SFMBT2: variants seen among roughly 807,000 people sequenced by gnomAD.
The protein encoded by SFMBT2 is Scm like with four mbt domains 2.
A neutral mutation model predicts 110.1 loss-of-function variants in SFMBT2; 38 were observed. That is an observed-to-expected ratio of 0.35 (90% CI 0.27 to 0.45). The LOEUF (loss-of-function observed/expected upper bound fraction) is 0.45. Ranked by LOEUF, SFMBT2 falls within the 20% of genes least tolerant of loss-of-function variation. The pLI, the probability that SFMBT2 is intolerant of heterozygous loss-of-function variation, is 1.00. For missense variants in SFMBT2, 1,011 were observed against 1,094.9 expected (o/e 0.92, Z 1.08); for synonymous variants, 425 against 425.4 (o/e 1.00, Z 0.01).
chr10:7,266,780 A>G (rs2131794619), intron 7 of SFMBT2, among the ~76,000 whole-genome samples: 1 of 152,312 alleles, frequency 6.6e-6, no homozygotes, highest in Non-Finnish European at 1.5e-5. Context: ...GGCAGTGGCA[A>G]AGGCTACACA....
intron 8 of SFMBT2, chr10:7,244,057 T>C: frequency 1.1e-6 from 1 of 904,394 alleles, no homozygotes; most frequent in East Asian, 1.2e-4. Context: ...AGACAGGAAC[T>C]GAAAAGTGAA....
At chr10:7,289,994 G>A (rs1842215119) in intron 4 of SFMBT2, among the ~76,000 whole-genome samples, 1 of 152,090 alleles carries the variant, frequency 6.6e-6, no homozygotes, top group Non-Finnish European at 1.5e-5. Flanking sequence ...CTCCAACTCA[G>A]CACTCTCAGC....
In SFMBT2 at chr10:7,227,940, G is replaced by A. The variant is rs750846269; in HGVS notation, c.1121-3C>T. On this transcript the variant is annotated splice_polypyrimidine_tract_variant and splice_region_variant and intron_variant, in intron 9 of 20. Coordinates refer to ENST00000397167, the MANE Select transcript of SFMBT2 (RefSeq NM_001387889.1). Reference sequence around the variant, plus strand: ...GTCGAAGTCCTGGCCAGAGTAACCTGGGAATGACAAAACACAGATAAAACA... The same window carrying A: ...GTCGAAGTCCTGGCCAGAGTAACCTAGGAATGACAAAACACAGATAAAACA... The A allele has an allele frequency of 1.9e-6, 3 of 1,579,952 alleles. No individual in the cohort carries two copies. Among genetic ancestry groups the A allele is most frequent in the Admixed American group, 3.9e-5 (2 of 51,020 alleles).
At chr10:7,298,333 C>T (rs141237075) in intron 4 of SFMBT2, among the ~76,000 whole-genome samples, 1 of 152,348 alleles carries the variant, frequency 6.6e-6, no homozygotes, top group East Asian at 1.9e-4. Context: ...GAGACCTCCA[C>T]CCTGTGCACG....
intron 2 of SFMBT2, among the ~76,000 whole-genome samples, chr10:7,376,940 GC>G (rs1845240268): frequency 6.6e-6 from 1 of 150,918 alleles, no homozygotes; most frequent in Non-Finnish European, 1.5e-5. Context: ...GGAGGCCGAG[GC>G]GGGCAAATCA....
At chr10:7,406,557 A>G (rs1476980426) in intron 1 of SFMBT2, among the ~76,000 whole-genome samples, 1 of 152,052 alleles carries the variant, frequency 6.6e-6, no homozygotes, top group East Asian at 1.9e-4. Flanking sequence ...TTATGATGAA[A>G]ACGAAACAGG....
intron 11 of SFMBT2, among the ~76,000 whole-genome samples, chr10:7,216,734 GC>G: frequency 6.6e-6 from 1 of 152,096 alleles, no homozygotes; most frequent in Non-Finnish European, 1.5e-5. Context: ...CAAAATTCCC[GC>G]CACTCCCTAT....
chr10:7,404,860 C>A (rs1260736470), intron 1 of SFMBT2, among the ~76,000 whole-genome samples: 5 of 152,196 alleles, frequency 3.3e-5, no homozygotes, highest in African/African-American at 1.2e-4. Flanking sequence ...ATGAACTGAT[C>A]ATGCAAAACC....
intron 4 of SFMBT2, among the ~76,000 whole-genome samples, chr10:7,356,147 G>A (rs1265379838): frequency 3.3e-5 from 5 of 152,156 alleles, no homozygotes; most frequent in Admixed American, 6.5e-5. Flanking sequence ...AACAGGATCC[G>A]AGGGAGAGGC....
intron 1 of SFMBT2, among the ~76,000 whole-genome samples, chr10:7,403,899 A>C (rs1846146449): frequency 6.6e-6 from 1 of 152,232 alleles, no homozygotes. Context: ...TCACTGGCCA[A>C]CAGCAGATAT....
intron 4 of SFMBT2, among the ~76,000 whole-genome samples, chr10:7,333,978 C>A (rs569429748): frequency 1.3e-5 from 2 of 152,338 alleles, no homozygotes; most frequent in South Asian, 2.1e-4. Flanking sequence ...CTTCACCCTT[C>A]ACAGTTTATC....
rs1206380273 is a variant in SFMBT2 at position 7,279,937 on chromosome 10, G to GA, written c.773-2949dup. ...TTGTTAAAAGATAGTAAACGTCAGA[G>GA]AAAGTGTTATGGACTAAATGTTTCT... is the stretch of plus-strand genomic sequence containing the variant. On this transcript the variant is annotated intron_variant, in intron 6 of 20. Transcript: ENST00000397167. 4.6e-5 allele frequency among the ~76,000 whole-genome samples: 7 copies of GA among 152,354 alleles called. No individual in the cohort carries two copies. The South Asian group carries it at 1.4e-3, about 32-fold the overall frequency.
chr10:7,236,806 T>TA (rs542207754), intron 9 of SFMBT2, among the ~76,000 whole-genome samples: 26 of 151,950 alleles, frequency 1.7e-4, no homozygotes, highest in Middle Eastern at 3.4e-3. Flanking sequence ...AATATGCCAT[T>TA]AAAAAAAACC....
rs760590809 is a variant in SFMBT2 at position 7,227,843 on chromosome 10, G to A, written c.1203+12C>T. 1.3e-6 allele frequency: 2 copies of A among 1,596,756 alleles called. No homozygotes were observed. Among genetic ancestry groups the A allele is most frequent in the South Asian group, 2.3e-5 (2 of 88,020 alleles). The stretch of plus-strand genomic sequence containing the variant: ...TGATTTTTAAAAATTAGGTAAGAGA[G>A]AAGCTTCTTACATTTCGGAAGCAGA... On this transcript the variant is annotated intron_variant, in intron 10 of 20. Transcript: ENST00000397167.
intron 15 of SFMBT2, among the ~76,000 whole-genome samples, chr10:7,190,982 C>G (rs1838581293): frequency 1.3e-5 from 2 of 152,154 alleles, no homozygotes; most frequent in Non-Finnish European, 2.9e-5. Context: ...ATAAGGAGTT[C>G]CCCTTTTTGC....
intron 4 of SFMBT2, among the ~76,000 whole-genome samples, chr10:7,299,210 T>G (rs1057066441): frequency 3.3e-5 from 5 of 152,066 alleles, no homozygotes. Flanking sequence ...CAAAAGCAAT[T>G]GCAACGAAAG....
At chr10:7,207,917 CAATT>C (rs1279137398) in intron 11 of SFMBT2, among the ~76,000 whole-genome samples, 4 of 152,186 alleles carry the variant, frequency 2.6e-5, no homozygotes, top group African/African-American at 9.7e-5. Flanking sequence ...GTTCTCAAAT[CAATT>C]ATCACCACTG....
chr10:7,243,321 G>A (rs1840495688), intron 9 of SFMBT2, among the ~76,000 whole-genome samples: 1 of 152,160 alleles, frequency 6.6e-6, no homozygotes, highest in Non-Finnish European at 1.5e-5. Context: ...TGCCAATAAT[G>A]CGGTAACGGA....
At chr10:7,335,452 T>G (rs1843689970) in intron 4 of SFMBT2, among the ~76,000 whole-genome samples, 1 of 152,176 alleles carries the variant, frequency 6.6e-6, no homozygotes, top group African/African-American at 2.4e-5. Flanking sequence ...CAACTGCTAC[T>G]TGCTTCTGGA....
Sources: allele counts gnomAD v4.1 joint callset (sites outside exome capture counted in the v4.1 genomes callset), GRCh38; gene constraint gnomAD v4.1.1; transcripts MANE v1.5; gene names NCBI Gene and HGNC (gene_info 2026-07-23, HGNC 2026-07-21).